TIAM1: variants seen among roughly 807,000 people sequenced by gnomAD.
The protein encoded by TIAM1 is rho guanine nucleotide exchange factor TIAM1.
In TIAM1, 65 loss-of-function variants were observed where a neutral mutation model predicts 163.5. The ratio of observed to expected loss-of-function variants is 0.40; its 90% CI spans 0.33 to 0.49. The LOEUF is 0.49. Among genes scored for constraint, TIAM1 ranks in the 20% least tolerant of loss-of-function variants. The pLI, the probability that TIAM1 is intolerant of heterozygous loss-of-function variation, is 0.77. For synonymous variants in TIAM1, 833 were observed against 810.1 expected (o/e 1.03, Z -0.48); for missense variants, 1,789 against 2,044.7 (o/e 0.87, Z 2.41).
At chr21:31,501,994 T>C (rs899188387) in intron 1 of TIAM1, among the ~76,000 whole-genome samples, 2 of 152,202 alleles carry the variant, frequency 1.3e-5, no homozygotes, top group Admixed American at 6.5e-5. Context: ...CACCTGGGAA[T>C]TTAATCAGGG....
chr21:31,493,406 G>A (rs949415665), intron 1 of TIAM1, among the ~76,000 whole-genome samples: 8 of 152,144 alleles, frequency 5.3e-5, no homozygotes, highest in African/African-American at 1.9e-4. Context: ...GAGAATTTCA[G>A]GAAAGGTGTC....
At chr21:31,274,291 G>C (rs950067631) in intron 3 of TIAM1, among the ~76,000 whole-genome samples, 7 of 151,980 alleles carry the variant, frequency 4.6e-5, no homozygotes, top group Admixed American at 1.3e-4. Context: ...CCAAGATACA[G>C]CACGTACCTT....
chr21:31,522,632 T>TCC (rs2047642014), intron 1 of TIAM1, among the ~76,000 whole-genome samples: 1 of 152,188 alleles, frequency 6.6e-6, no homozygotes, highest in South Asian at 2.1e-4. Context: ...GCCTCAGGCT[T>TCC]CCCATCAGTA....
At chr21:31,557,792 T>G (rs373423453) in intron 1 of TIAM1, among the ~76,000 whole-genome samples, 1 of 151,758 alleles carries the variant, frequency 6.6e-6, no homozygotes, top group African/African-American at 2.4e-5. Context: ...AGGCTCCGAG[T>G]CAACCAGGGC....
At chr21:31,157,378 T>C (rs1360519868) in intron 16 of TIAM1, among the ~76,000 whole-genome samples, 1 of 152,224 alleles carries the variant, frequency 6.6e-6, no homozygotes, top group Non-Finnish European at 1.5e-5. Flanking sequence ...GTTCAAAAAC[T>C]AGCAAGAACA....
intron 2 of TIAM1, among the ~76,000 whole-genome samples, chr21:31,389,658 G>A (rs569007525): frequency 2.6e-5 from 4 of 152,304 alleles, no homozygotes; most frequent in African/African-American, 4.8e-5. Context: ...CAGACTGGTC[G>A]GCTAGACAAT....
intron 2 of TIAM1, among the ~76,000 whole-genome samples, chr21:31,295,900 C>T (rs533604722): frequency 2.2e-4 from 34 of 152,264 alleles, no homozygotes; most frequent in African/African-American, 7.9e-4. Context: ...CGAGTTCAAG[C>T]GATTCTCCTG....
intron 2 of TIAM1, among the ~76,000 whole-genome samples, chr21:31,436,181 T>C (rs761821383): frequency 3.9e-5 from 6 of 152,148 alleles, no homozygotes; most frequent in Non-Finnish European, 7.4e-5. Flanking sequence ...GATCTATCTA[T>C]TCATTTATCA....
chr21:31,381,198 G>A (rs970135839), intron 2 of TIAM1, among the ~76,000 whole-genome samples: 4 of 152,074 alleles, frequency 2.6e-5, no homozygotes, highest in Non-Finnish European at 5.9e-5. Flanking sequence ...CTGTGTCCCC[G>A]CAAAATCCGT....
chr21:31,417,975 C>T (rs937809412), intron 2 of TIAM1, among the ~76,000 whole-genome samples: 2 of 152,124 alleles, frequency 1.3e-5, no homozygotes, highest in Non-Finnish European at 2.9e-5. Context: ...CAGCCAGGAA[C>T]CACTGTGAGC....
At chr21:31,433,590 G>T (rs1299780675) in intron 2 of TIAM1, among the ~76,000 whole-genome samples, 1 of 152,086 alleles carries the variant, frequency 6.6e-6, no homozygotes, top group African/African-American at 2.4e-5. Context: ...AATATAAGAA[G>T]AAAAGGAAGC....
At chr21:31,316,511 C>T (rs1425468366) in intron 2 of TIAM1, among the ~76,000 whole-genome samples, 2 of 152,208 alleles carry the variant, frequency 1.3e-5, no homozygotes, top group Non-Finnish European at 2.9e-5. Context: ...GTGCATTCTT[C>T]TCCTCACCCT....
At chr21:31,271,606 C>A (rs2073059519) in intron 3 of TIAM1, among the ~76,000 whole-genome samples, 1 of 152,218 alleles carries the variant, frequency 6.6e-6, no homozygotes, top group Admixed American at 6.5e-5. Flanking sequence ...TTGCACCTGT[C>A]TAATTCCACT....
At chr21:31,353,465 A>G (rs935856298) in intron 2 of TIAM1, among the ~76,000 whole-genome samples, 7 of 152,182 alleles carry the variant, frequency 4.6e-5, no homozygotes, top group Admixed American at 3.3e-4. Context: ...TTTCCCTCAT[A>G]AAACTATGTG....
chr21:31,491,702 C>A (rs2409408), intron 1 of TIAM1, among the ~76,000 whole-genome samples: 11 of 152,194 alleles, frequency 7.2e-5, no homozygotes, highest in African/African-American at 2.4e-4. Context: ...TCTTTGCTTT[C>A]GCAATTTATA....
At chr21:31,423,640 G>A (rs1348513901) in intron 2 of TIAM1, among the ~76,000 whole-genome samples, 2 of 125,954 alleles carry the variant, frequency 1.6e-5, no homozygotes, top group Admixed American at 1.0e-4. Context: ...GCCCTATAAC[G>A]AACTCATGGT....
At chr21:31,293,627 CCA>C in intron 2 of TIAM1, among the ~76,000 whole-genome samples, 1 of 152,212 alleles carries the variant, frequency 6.6e-6, no homozygotes, top group East Asian at 1.9e-4. Context: ...TCCCACAAGG[CCA>C]CCTGTCCTGT....
intron 1 of TIAM1, among the ~76,000 whole-genome samples, chr21:31,551,233 G>A (rs1227986100): frequency 1.1e-4 from 17 of 151,138 alleles, no homozygotes; most frequent in Non-Finnish European, 1.5e-5. Flanking sequence ...ACAAAAACAA[G>A]AATAAAAGAA....
rs568745187 is a variant in TIAM1 at position 31,183,195 on chromosome 21, AT to A, written c.2663-551del. On this transcript the variant is annotated intron_variant, in intron 14 of 27. Transcript: ENST00000541036. ...ACAGTTTCAAGAACCCAATGCAATC[AT>A]TTTGTCCTTTTTTGTTTTGTTTTCA... 1.1e-4 allele frequency among the ~76,000 whole-genome samples: 17 copies of A among 152,300 alleles called. No homozygotes were observed. In the South Asian group the frequency reaches 3.5e-3, roughly 32 times the overall value.
Sources: gnomAD v4.1 joint callset for allele counts (sites outside exome capture counted in the v4.1 genomes callset) on GRCh38, gnomAD v4.1.1 for gene constraint, MANE v1.5 for transcripts, NCBI Gene and HGNC (gene_info 2026-07-23, HGNC 2026-07-21) for gene names.